The following TRPC4 variants were observed in gnomAD, a reference collection of about 807,000 sequenced individuals.
TRPC4 encodes the protein transient receptor potential cation channel subfamily C member 4.
In TRPC4, 49 loss-of-function variants were observed where a neutral mutation model predicts 99.4. The ratio of observed to expected loss-of-function variants is 0.49; its 90% CI spans 0.39 to 0.63. The LOEUF is 0.63. Among genes scored for constraint, TRPC4 ranks in the 20% least tolerant of loss-of-function variants. The pLI, the probability that TRPC4 is intolerant of heterozygous loss-of-function variation, is 0.00. For missense variants in TRPC4, 898 were observed against 1,152.9 expected (o/e 0.78, Z 3.20); for synonymous variants, 454 against 425.9 (o/e 1.07, Z -0.81).
At chr13:37,683,410 G>C (rs951035903) in intron 4 of TRPC4, among the ~76,000 whole-genome samples, 1 of 152,110 alleles carries the variant, frequency 6.6e-6, no homozygotes, top group African/African-American at 2.4e-5. Context: ...GAAAAGGCTG[G>C]GTTTGAGCCT....
intron 2 of TRPC4, among the ~76,000 whole-genome samples, chr13:37,756,541 T>A (rs903615753): frequency 3.3e-5 from 5 of 151,430 alleles, no homozygotes; most frequent in African/African-American, 1.2e-4. Context: ...TTTTCTTTTT[T>A]TTTTTTTCTG....
intron 3 of TRPC4, among the ~76,000 whole-genome samples, chr13:37,745,459 T>TATATATATATATATGC (rs1955724105): frequency 1.2e-5 from 1 of 86,860 alleles, no homozygotes; most frequent in Non-Finnish European, 1.9e-5. Context: ...TATATATATA[T>TATATATATATATATGC]ATATATATAT....
chr13:37,799,435 A>C (rs990530014), intron 1 of TRPC4, among the ~76,000 whole-genome samples: 2 of 152,016 alleles, frequency 1.3e-5, no homozygotes, highest in African/African-American at 4.8e-5. Context: ...GACTGTCTAC[A>C]TTTTTTATTT....
At chr13:37,691,547 T>C (rs1338274632) in intron 4 of TRPC4, among the ~76,000 whole-genome samples, 1 of 152,222 alleles carries the variant, frequency 6.6e-6, no homozygotes, top group Non-Finnish European at 1.5e-5. Flanking sequence ...TAAATTAATA[T>C]AGATTTCAAA....
At chr13:37,727,116 C>A in intron 3 of TRPC4, among the ~76,000 whole-genome samples, 1 of 152,054 alleles carries the variant, frequency 6.6e-6, no homozygotes, top group East Asian at 1.9e-4. Flanking sequence ...CTCTACCCAA[C>A]AATAACAGAA....
chr13:37,867,658 C>A (rs1289751039), intron 1 of TRPC4, among the ~76,000 whole-genome samples: 2 of 152,004 alleles, frequency 1.3e-5, no homozygotes, highest in African/African-American at 4.8e-5. Context: ...TCAGAAACAG[C>A]AATTTTTCTA....
rs926222099 is a variant in TRPC4 at position 37,633,602 on chromosome 13, G to A, written c.*3301C>T. ...ACTTTGCTTCTTTGAGAACAGCATG[G>A]TGAGTCTACTATCCTTGACTTTTCA... is the stretch of plus-strand genomic sequence containing the variant. On this transcript the variant is annotated 3_prime_UTR_variant, in exon 11 of 11. Coordinates refer to ENST00000379705, the MANE Select transcript of TRPC4 (RefSeq NM_016179.4). Among the ~76,000 whole-genome samples, 8 of 152,114 alleles carry A rather than the reference G, an allele frequency of 5.3e-5. No homozygotes were observed. The highest frequency in any genetic ancestry group is 1.9e-4 in the African/African-American group (8 of 41,436).
intron 6 of TRPC4, among the ~76,000 whole-genome samples, chr13:37,660,544 T>C (rs1283351084): frequency 6.6e-6 from 1 of 152,046 alleles, no homozygotes; most frequent in Non-Finnish European, 1.5e-5. Flanking sequence ...TAATGGGAAA[T>C]ATTGGGTTCA....
At chr13:37,759,964 T>C (rs190135506) in intron 2 of TRPC4, among the ~76,000 whole-genome samples, 11 of 152,150 alleles carry the variant, frequency 7.2e-5, no homozygotes, top group Non-Finnish European at 1.2e-4. Flanking sequence ...AAACATATTC[T>C]TGTGTGAAAT....
intron 3 of TRPC4, among the ~76,000 whole-genome samples, chr13:37,720,818 A>G (rs1472232335): frequency 2.0e-5 from 3 of 152,188 alleles, no homozygotes; most frequent in Non-Finnish European, 2.9e-5. Flanking sequence ...TTAGGGATAC[A>G]CTTATTTAAT....
At chr13:37,748,843 A>C (rs1325664026) in intron 2 of TRPC4, among the ~76,000 whole-genome samples, 1 of 152,082 alleles carries the variant, frequency 6.6e-6, no homozygotes, top group African/African-American at 2.4e-5. Flanking sequence ...AAAATATGTG[A>C]GAATATACCA....
Position 37,637,444 on chromosome 13 carries a change from T to C in TRPC4, c.2393A>G (p.Asp798Gly). 1 of 1,613,684 alleles carries C rather than the reference T, an allele frequency of 6.2e-7. No individual in the cohort carries two copies. Among genetic ancestry groups the C allele is most frequent in the South Asian group, 1.1e-5 (1 of 91,048 alleles). ...TCTCGGATGAATCAGGGTGGTTAAA[T>C]CAAAAAGGCTGAAATTCTTTTTCTT... The part of the protein sequence containing the change: ...KDKKKNFSLF[D>G]LTTLIHPRSA... Residue 798 changes from aspartate (D) to glycine (G), a missense_variant, in exon 11 of 11, where the codon GAT (aspartate) becomes GGT (glycine). Around this residue, in one of 3 missense-constraint regions of TRPC4, gnomAD observed 346 missense variants for 351.4 expected, o/e 0.98. Transcript: ENST00000379705.
chr13:37,765,058 G>C (rs7324261), intron 2 of TRPC4, among the ~76,000 whole-genome samples: 2 of 150,626 alleles, frequency 1.3e-5, no homozygotes, highest in Non-Finnish European at 3.0e-5. Flanking sequence ...TTGAATGGTA[G>C]GGCTTATCTA....
chr13:37,836,526 C>T (rs1055761463), intron 1 of TRPC4, among the ~76,000 whole-genome samples: 14 of 152,000 alleles, frequency 9.2e-5, no homozygotes, highest in South Asian at 2.1e-4. Flanking sequence ...TAAAGGTGAC[C>T]GTTGTTATGT....
At chr13:37,660,124 A>G (rs1365759133) in intron 6 of TRPC4, among the ~76,000 whole-genome samples, 1 of 152,224 alleles carries the variant, frequency 6.6e-6, no homozygotes, top group Non-Finnish European at 1.5e-5. Flanking sequence ...GTCTCAGGTT[A>G]GCATGCTAAG....
At chr13:37,845,739 A>G (rs1415052566) in intron 1 of TRPC4, among the ~76,000 whole-genome samples, 1 of 152,180 alleles carries the variant, frequency 6.6e-6, no homozygotes, top group Non-Finnish European at 1.5e-5. Flanking sequence ...AAAAAAGCCT[A>G]GAAAGCATAT....
chr13:37,731,370 A>C (rs1955234644), intron 3 of TRPC4, among the ~76,000 whole-genome samples: 1 of 152,006 alleles, frequency 6.6e-6, no homozygotes, highest in East Asian at 1.9e-4. Flanking sequence ...GATATTAATA[A>C]TTTTTTCTTA....
chr13:37,846,131 C>A (rs1118720), intron 1 of TRPC4, among the ~76,000 whole-genome samples: 38,590 of 151,944 alleles, frequency 0.25, 5,400 homozygotes, highest in East Asian at 0.43. Context: ...CAAACAAAAG[C>A]TAAGAGCATA....
intron 4 of TRPC4, among the ~76,000 whole-genome samples, chr13:37,675,952 CTG>C (rs2138775499): frequency 6.6e-6 from 1 of 152,232 alleles, no homozygotes; most frequent in South Asian, 2.1e-4. Context: ...AGAAGGAACA[CTG>C]AGAATAATCT....
Sources: allele counts gnomAD v4.1 joint callset (sites outside exome capture counted in the v4.1 genomes callset), GRCh38; gene constraint gnomAD v4.1.1; regional missense constraint gnomAD v4.1.1; transcripts MANE v1.5; gene names NCBI Gene and HGNC (gene_info 2026-07-23, HGNC 2026-07-21).